B3GLCT: variants seen among roughly 807,000 people sequenced by gnomAD.
The protein encoded by B3GLCT is beta-1,3-glucosyltransferase.
A neutral mutation model predicts 63.4 loss-of-function variants in B3GLCT; 65 were observed. The ratio of observed to expected loss-of-function variants is 1.03; its 90% CI spans 0.84 to 1.26. The LOEUF (loss-of-function observed/expected upper bound fraction) is 1.26. Ranked by LOEUF, B3GLCT falls within the 50% of genes most tolerant of loss-of-function variation. The pLI, the probability that B3GLCT is intolerant of heterozygous loss-of-function variation, is 0.00. For synonymous variants in B3GLCT, 233 were observed against 219.2 expected (o/e 1.06, Z -0.55); for missense variants, 577 against 604.8 (o/e 0.95, Z 0.48).
intron 12 of B3GLCT, among the ~76,000 whole-genome samples, chr13:31,292,959 T>TC (rs1292030274): frequency 1.3e-5 from 2 of 152,206 alleles, no homozygotes; most frequent in Non-Finnish European, 2.9e-5. Flanking sequence ...GCTATAAATT[T>TC]CCCGCTAAAC....
At chr13:31,286,660 C>G in intron 11 of B3GLCT, 60 bp from the exon 12 acceptor site, 1 of 1,172,572 alleles carries the variant, frequency 8.5e-7, no homozygotes, top group East Asian at 2.6e-5. Flanking sequence ...AAGAAATGAA[C>G]AAATTCTATA....
Position 31,274,495 on chromosome 13 carries a change from C to T in B3GLCT, c.661-14C>T, listed in dbSNP as rs1872693689. On this transcript the variant is annotated splice_polypyrimidine_tract_variant and intron_variant, in intron 8 of 14. Transcript: ENST00000343307. ...GAGTTCTTTCATCACTGCCTGTCTC[C>T]TGTCTCGTGGCAGATTGCCCTCTAC... 1 of 1,614,076 alleles carries T rather than the reference C, an allele frequency of 6.2e-7. No homozygotes were observed. Among genetic ancestry groups the T allele is most frequent in the Admixed American group, 1.7e-5 (1 of 60,006 alleles).
At chr13:31,276,249 G>T (rs1024129353) in intron 9 of B3GLCT, among the ~76,000 whole-genome samples, 14 of 152,204 alleles carry the variant, frequency 9.2e-5, no homozygotes, top group African/African-American at 3.4e-4. Context: ...AGTAAGGCCA[G>T]GCCCAGAAAA....
chr13:31,268,318 A>G (rs995085422), intron 7 of B3GLCT, among the ~76,000 whole-genome samples: 1 of 152,144 alleles, frequency 6.6e-6, no homozygotes, highest in Non-Finnish European at 1.5e-5. Flanking sequence ...TATGTTGTCT[A>G]ATTCATTCAG....
chr13:31,271,340 G>A (rs961799146), intron 8 of B3GLCT, among the ~76,000 whole-genome samples: 1 of 152,120 alleles, frequency 6.6e-6, no homozygotes, highest in African/African-American at 2.4e-5. Context: ...TCTCCCATAT[G>A]ACCATAATAA....
chr13:31,301,294 A>G (rs1037489005), intron 12 of B3GLCT, among the ~76,000 whole-genome samples: 1 of 152,202 alleles, frequency 6.6e-6, no homozygotes, highest in Non-Finnish European at 1.5e-5. Context: ...CAAATGGGGA[A>G]GTTGTCCCCA....
intron 12 of B3GLCT, among the ~76,000 whole-genome samples, chr13:31,298,938 C>T (rs1874092592): frequency 6.6e-6 from 1 of 152,230 alleles, no homozygotes; most frequent in South Asian, 2.1e-4. Context: ...AGAAATCAGC[C>T]CTGCTTCCAG....
chr13:31,321,887 G>A (rs897658004), intron 13 of B3GLCT, among the ~76,000 whole-genome samples: 2 of 152,022 alleles, frequency 1.3e-5, no homozygotes, highest in Admixed American at 1.3e-4. Context: ...GAGGTGTTTG[G>A]TTATATGAAT....
At chr13:31,262,273 T>C (rs1164812085) in intron 7 of B3GLCT, among the ~76,000 whole-genome samples, 1 of 152,234 alleles carries the variant, frequency 6.6e-6, no homozygotes, top group Non-Finnish European at 1.5e-5. Flanking sequence ...CTTTAATAAA[T>C]GTACGTTATG....
chr13:31,330,573 C>G lies in B3GLCT; in HGVS notation c.*905C>G, dbSNP rs1179606854. On this transcript the variant is annotated 3_prime_UTR_variant, in exon 15 of 15. Coordinates refer to ENST00000343307, the MANE Select transcript of B3GLCT (RefSeq NM_194318.4). ...TTTTTTTTTAAATGTTACTTAATGA[C>G]TCTCTCCTGACTCAGGAGAGAAACC... 1 of 137,982 alleles carries G rather than the reference C, an allele frequency of 7.2e-6. No homozygotes were observed. Among genetic ancestry groups the G allele is most frequent in the Non-Finnish European group, 1.5e-5 (1 of 64,938 alleles). 8.5% of individuals were successfully genotyped at this position (137,982 alleles called of 1,614,324 possible).
rs996494228 is a variant in B3GLCT, at chr13:31,330,539, T to G, written c.*871T>G. 6.7e-5 allele frequency: 6 copies of G among 89,710 alleles called. No homozygotes were observed. The highest frequency in any genetic ancestry group is 6.3e-3 in the Middle Eastern group (1 of 158). 5.6% of individuals were successfully genotyped at this position (89,710 alleles called of 1,614,324 possible). A position where few individuals can be genotyped will look rare whatever the true frequency, so the allele number is the denominator to read the frequency against. ...AAATTTGGACCTTATGTTTTACTCTTGTTTTTTTTTTTTTTTTAAATGTTA... is the reference window on the plus strand; with the variant it reads ...AAATTTGGACCTTATGTTTTACTCTGGTTTTTTTTTTTTTTTTAAATGTTA... On this transcript the variant is annotated 3_prime_UTR_variant, in exon 15 of 15. Transcript: ENST00000343307.
At chr13:31,316,585 C>T (rs998051114) in intron 12 of B3GLCT, among the ~76,000 whole-genome samples, 1 of 151,076 alleles carries the variant, frequency 6.6e-6, no homozygotes, top group Non-Finnish European at 1.5e-5. Flanking sequence ...TTGTTTTGGC[C>T]ATTTTCTCAC....
chr13:31,229,224 A>G lies in B3GLCT; in HGVS notation c.200A>G (p.Asn67Ser). The G allele has an allele frequency of 6.2e-7, 1 of 1,613,190 alleles. No individual in the cohort carries two copies. Among genetic ancestry groups the G allele is most frequent in the Non-Finnish European group, 8.5e-7 (1 of 1,179,122 alleles). The part of the protein sequence containing the change: ...GIVFVIQSQS[N>S]SFHAKRAEQL... The stretch of plus-strand genomic sequence containing the variant: ...GTATTCGTCATCCAGAGTCAAAGTA[A>G]TTCTTTTCATGCAAAGAGAGCAGAG... The change falls in exon 4 of 15, where the codon AAT (asparagine) becomes AGT (serine). Residue 67 changes from asparagine (N) to serine (S), a missense_variant. Transcript: ENST00000343307.
chr13:31,238,193 C>T (rs1162692687), intron 4 of B3GLCT, among the ~76,000 whole-genome samples: 1 of 152,212 alleles, frequency 6.6e-6, no homozygotes, highest in Non-Finnish European at 1.5e-5. Context: ...ATTACCTATG[C>T]CTGTTTTGCC....
rs544204066 is a variant in B3GLCT, at chr13:31,289,768, T to C, written c.1064+2949T>C. 9.8e-5 allele frequency among the ~76,000 whole-genome samples: 15 copies of C among 152,304 alleles called. No individual in the cohort carries two copies. In the South Asian group the frequency reaches 3.1e-3, roughly 32 times the overall value. ...AAAGCCTCACATATCAAGATTAACC[T>C]TGAATATAACTGGATTAAATGCTTC... On this transcript the variant is annotated intron_variant, in intron 12 of 14. Transcript: ENST00000343307.
At chr13:31,310,235 A>G (rs1055270116) in intron 12 of B3GLCT, among the ~76,000 whole-genome samples, 1 of 152,166 alleles carries the variant, frequency 6.6e-6, no homozygotes, top group African/African-American at 2.4e-5. Context: ...TGCCTTAGTT[A>G]GGGCACCCTC....
chr13:31,328,422 A>C (rs1392792435), intron 14 of B3GLCT, among the ~76,000 whole-genome samples: 1 of 152,060 alleles, frequency 6.6e-6, no homozygotes, highest in African/African-American at 2.4e-5. Context: ...GGCTGGGCAA[A>C]GTGGCTCACG....
chr13:31,323,985 C>A, intron 14 of B3GLCT, 90 bp downstream of exon 14: 1 of 1,490,530 alleles, frequency 6.7e-7, no homozygotes, highest in South Asian at 1.1e-5. Flanking sequence ...TTCACATATT[C>A]GGGAAACAGA....
At chr13:31,317,417 A>G (rs1368370825) in intron 12 of B3GLCT, 149 bp from the exon 13 acceptor site, 2 of 879,294 alleles carry the variant, frequency 2.3e-6, no homozygotes, top group South Asian at 1.5e-5. Context: ...TAAAAATTTT[A>G]TTTATTTTAT....
Sources: gnomAD v4.1 joint callset for allele counts (sites outside exome capture counted in the v4.1 genomes callset) on GRCh38, gnomAD v4.1.1 for gene constraint, MANE v1.5 for transcripts, NCBI Gene and HGNC (gene_info 2026-07-23, HGNC 2026-07-21) for gene names.